Variants in CACNA2D4 observed in about 807,000 individuals in gnomAD.
CACNA2D4 encodes calcium voltage-gated channel auxiliary subunit alpha2delta 4.
CACNA2D4 carries 157 observed loss-of-function variants against 163.8 expected under a neutral mutation model. The ratio of observed to expected loss-of-function variants is 0.96; its 90% CI spans 0.84 to 1.09. The LOEUF (loss-of-function observed/expected upper bound fraction) is 1.09, where lower values mean the gene tolerates loss of function less well. CACNA2D4 is among the 50% of genes least tolerant of loss of function. CACNA2D4 has a pLI of 0.00. For synonymous variants in CACNA2D4, 598 were observed against 586.9 expected (o/e 1.02, Z -0.27); for missense variants, 1,410 against 1,479.9 (o/e 0.95, Z 0.78).
intron 36 of CACNA2D4, 107 bp downstream of exon 36, chr12:1,795,556 GGAGGA>G: frequency 1.3e-6 from 1 of 798,906 alleles, no homozygotes; most frequent in Non-Finnish European, 1.9e-6. Flanking sequence ...GGAGCCCTGT[GGAGGA>G]CACGGGCGGT....
In CACNA2D4 at chr12:1,834,516, G is replaced by A; in HGVS notation, c.2551+6223C>T. The A allele has an allele frequency of 1.2e-6, 2 of 1,606,264 alleles. No individual in the cohort carries two copies. The highest frequency in any genetic ancestry group is 1.7e-5 in the Admixed American group (1 of 60,002). ...CAGAAGCAGAGGCACCGGCCGGCGA[G>A]CGTGAGGCGAGCCATGGGCACGGTG... On this transcript the variant is annotated intron_variant, in intron 26 of 37. Transcript: ENST00000382722. This position sits in a 1 kb window ranked among gnomAD's most constrained non-coding sequence, Gnocchi z 7.6.
intron 18 of CACNA2D4, among the ~76,000 whole-genome samples, chr12:1,872,657 G>A (rs956572806): frequency 2.0e-5 from 3 of 152,172 alleles, no homozygotes; most frequent in Non-Finnish European, 4.4e-5. Context: ...TGAAGAAAAC[G>A]CAGCCACTTT....
chr12:1,839,612 T>C (rs983637723), intron 26 of CACNA2D4, among the ~76,000 whole-genome samples: 11 of 152,202 alleles, frequency 7.2e-5, no homozygotes, highest in African/African-American at 2.7e-4. Context: ...AGCTGTAAAG[T>C]AGAGCCAGAA....
At chr12:1,862,672 C>T (rs1468445228) in intron 18 of CACNA2D4, among the ~76,000 whole-genome samples, 1 of 152,134 alleles carries the variant, frequency 6.6e-6, no homozygotes, top group African/African-American at 2.4e-5. Flanking sequence ...CTCGGCCTCC[C>T]GAAGTGTTGG....
chr12:1,884,652 G>A (rs1475416175), intron 11 of CACNA2D4, 116 bp downstream of exon 11: 1 of 700,060 alleles, frequency 1.4e-6, no homozygotes, highest in African/African-American at 1.8e-5. Context: ...AGCAAGAATG[G>A]CTCTAATAGG....
At chr12:1,861,340 G>A (rs574579281) in intron 18 of CACNA2D4, among the ~76,000 whole-genome samples, 61 of 152,284 alleles carry the variant, frequency 4.0e-4, no homozygotes, top group African/African-American at 1.3e-3. Context: ...CTATTGCAGC[G>A]GTCGTGGGAT....
Position 1,793,327 on chromosome 12 carries a change from A to T in CACNA2D4, c.*328T>A. On this transcript the variant is annotated 3_prime_UTR_variant, in exon 38 of 38. Transcript: ENST00000382722. ...TGGGTCTGGACTCTGGAGTACAGGA[A>T]GAACTAAATTATTTTGTCTTGGTCC... 1 of 379,704 alleles carries T rather than the reference A, an allele frequency of 2.6e-6. No homozygotes were observed. Among genetic ancestry groups the T allele is most frequent in the Non-Finnish European group, 4.9e-6 (1 of 202,780 alleles). 23.5% of individuals were successfully genotyped at this position (379,704 alleles called of 1,614,324 possible).
chr12:1,890,613 A>G (rs144331205), intron 6 of CACNA2D4, among the ~76,000 whole-genome samples: 5 of 152,244 alleles, frequency 3.3e-5, no homozygotes, highest in East Asian at 1.9e-4. Context: ...ACCCTCCCCA[A>G]TAGCAGGGCT....
Position 1,879,794 on chromosome 12 carries a change from G to A in CACNA2D4, c.1563+10C>T, listed in dbSNP as rs754342985. 32 of 1,588,874 alleles carry A rather than the reference G, an allele frequency of 2.0e-5. No individual in the cohort carries two copies. The highest frequency in any genetic ancestry group is 2.5e-5 in the Non-Finnish European group (29 of 1,166,452). ...TCCCTGCTACAACGTCTCCAGGAGC[G>A]GCCACTCACCGTTTCGTTCTTCTTG... On this transcript the variant is annotated intron_variant, in intron 14 of 37. Coordinates refer to ENST00000382722, the MANE Select transcript of CACNA2D4 (RefSeq NM_172364.5).
rs1394488982 is a variant in CACNA2D4 at position 1,797,482 on chromosome 12, C to T, written c.3049G>A (p.Val1017Met). Residue 1017 changes from valine to methionine, a missense_variant, in exon 35 of 38, where the codon GTG becomes ATG. Coordinates refer to ENST00000382722, the MANE Select transcript of CACNA2D4 (RefSeq NM_172364.5). ...CGGATGGCCGGCTGGTACACGAACA[C>T]GGGGTACTCCGTGTCGCAGGGCTGC... ...PLQPCDTEYP[V>M]FVYQPAIREA... is the part of the protein sequence containing the mutation. 2.5e-6 allele frequency: 4 copies of T among 1,585,794 alleles called. No individual in the cohort carries two copies. Among genetic ancestry groups the T allele is most frequent in the Non-Finnish European group, 2.6e-6 (3 of 1,168,300 alleles).
Position 1,883,589 on chromosome 12 carries a change from A to T in CACNA2D4, c.1352-589T>A, listed in dbSNP as rs1490480234. On this transcript the variant is annotated intron_variant, in intron 12 of 37. Coordinates refer to ENST00000382722, the MANE Select transcript of CACNA2D4 (RefSeq NM_172364.5). This position sits in a 1 kb window ranked among gnomAD's most constrained non-coding sequence, Gnocchi z 4.5. ...CGTGTTCATCCCCCTCGCCAGTGAG[A>T]TGCAGCACCTCTCTGCTCCCAGCAG... Among the ~76,000 whole-genome samples the T allele has an allele frequency of 6.6e-6, 1 of 152,090 alleles. No individual in the cohort carries two copies. Among genetic ancestry groups the T allele is most frequent in the Admixed American group, 6.5e-5 (1 of 15,272 alleles).
At chr12:1,816,248 C>T (rs766761893) in intron 26 of CACNA2D4, among the ~76,000 whole-genome samples, 1 of 152,198 alleles carries the variant, frequency 6.6e-6, no homozygotes, top group African/African-American at 2.4e-5. Flanking sequence ...TCACACCTTT[C>T]GGTGAAGAGA....
At chr12:1,793,794 T>C in intron 37 of CACNA2D4, 35 bp from the exon 38 acceptor site, 1 of 1,565,142 alleles carries the variant, frequency 6.4e-7, no homozygotes, top group Non-Finnish European at 8.8e-7. Flanking sequence ...AGCGCGGCGC[T>C]CAGAGGAGGA....
chr12:1,915,238 G>C (rs939410014), intron 1 of CACNA2D4: 1 of 702,660 alleles, frequency 1.4e-6, no homozygotes, highest in Non-Finnish European at 2.6e-6. Context: ...GGCCTGGGCA[G>C]GAGACGCGGA....
rs556756012 is a variant in CACNA2D4 at position 1,892,108 on chromosome 12, G to T, written c.782-5039C>A. On this transcript the variant is annotated intron_variant, in intron 6 of 37. Transcript: ENST00000382722. ...AACAGATATAATTCAAAAATACATTGTAGTCAAACTGTAAAAAGTTAAGGA... is the reference window on the plus strand; with the variant it reads ...AACAGATATAATTCAAAAATACATTTTAGTCAAACTGTAAAAAGTTAAGGA... Among the ~76,000 whole-genome samples the T allele has an allele frequency of 6.5e-3, 186 of 28,660 alleles. 1 individual carries two copies. Among genetic ancestry groups the T allele is most frequent in the African/African-American group, 0.031 (185 of 6,056 alleles). The allele number at this position is 28,660 out of a possible 152,430, so 18.8% of individuals were successfully genotyped here. A position where few individuals can be genotyped will look rare whatever the true frequency, so the allele number is the denominator to read the frequency against.
chr12:1,795,113 TAAAG>T (rs1863073352), intron 37 of CACNA2D4, 182 bp downstream of exon 37: 2 of 602,642 alleles, frequency 3.3e-6, no homozygotes, highest in Admixed American at 5.8e-5. Flanking sequence ...AAAGACTAAA[TAAAG>T]ATCTGTTTCT....
chr12:1,893,239 C>T (rs1208891785), intron 6 of CACNA2D4, among the ~76,000 whole-genome samples: 2 of 152,178 alleles, frequency 1.3e-5, no homozygotes, highest in Non-Finnish European at 2.9e-5. Context: ...TATATTAAGA[C>T]ACAAAACAAG....
intron 16 of CACNA2D4, among the ~76,000 whole-genome samples, chr12:1,877,823 C>A (rs894587069): frequency 6.6e-6 from 1 of 152,202 alleles, no homozygotes; most frequent in East Asian, 1.9e-4. Context: ...ATGCAACTTT[C>A]TTCCTCAGCC....
chr12:1,886,668 A>T (rs1402758316), intron 7 of CACNA2D4, among the ~76,000 whole-genome samples: 1 of 152,218 alleles, frequency 6.6e-6, no homozygotes, highest in Non-Finnish European at 1.5e-5. Flanking sequence ...GGCAGCAGAA[A>T]GGGAGAGAGC....
Sources: gnomAD v4.1 joint callset for allele counts (sites outside exome capture counted in the v4.1 genomes callset) on GRCh38, gnomAD v4.1.1 for gene constraint, Gnocchi (gnomAD v3.1) non-coding constraint, MANE v1.5 for transcripts, NCBI Gene and HGNC (gene_info 2026-07-23, HGNC 2026-07-21) for gene names.